Variants in MRPS35 observed in about 807,000 individuals in gnomAD.
MRPS35 encodes mitochondrial ribosomal protein S35, also known as small ribosomal subunit protein mS35.
MRPS35 carries 29 observed loss-of-function variants against 32.7 expected under a neutral mutation model. That is an observed-to-expected ratio of 0.89 (90% CI 0.66 to 1.21). The LOEUF is 1.21. Among genes scored for constraint, MRPS35 ranks in the 50% most tolerant of loss-of-function variants. The pLI is 0.00. For synonymous variants in MRPS35, 148 were observed against 139.3 expected, an observed-to-expected ratio of 1.06 and a Z score of -0.44; for missense variants, 373 against 383.8, an observed-to-expected ratio of 0.97 and a Z score of 0.23.
At chr12:27,743,659 G>T (rs1047693790) in intron 7 of MRPS35, among the ~76,000 whole-genome samples, 1 of 152,244 alleles carries the variant, frequency 6.6e-6, no homozygotes, top group Non-Finnish European at 1.5e-5. Flanking sequence ...TGGGAGCAAG[G>T]AGGTGTAATA....
intron 1 of MRPS35, among the ~76,000 whole-genome samples, chr12:27,713,916 G>A (rs1301098672): frequency 6.6e-6 from 1 of 151,512 alleles, no homozygotes; most frequent in Non-Finnish European, 1.5e-5. Flanking sequence ...GCGAAACACC[G>A]TCTCTACAAG....
intron 7 of MRPS35, among the ~76,000 whole-genome samples, chr12:27,743,664 G>A (rs1325462363): frequency 6.6e-6 from 1 of 152,242 alleles, no homozygotes; most frequent in Non-Finnish European, 1.5e-5. Flanking sequence ...GCAAGGAGGT[G>A]TAATAATAAA....
intron 7 of MRPS35, among the ~76,000 whole-genome samples, chr12:27,748,985 C>G (rs1012285619): frequency 6.6e-6 from 1 of 152,070 alleles, no homozygotes; most frequent in African/African-American, 2.4e-5. Flanking sequence ...GAGACTCCAC[C>G]TCTTTGAAAA....
chr12:27,734,888 C>G (rs924070090), intron 5 of MRPS35, among the ~76,000 whole-genome samples: 4 of 152,176 alleles, frequency 2.6e-5, no homozygotes, highest in African/African-American at 7.2e-5. Context: ...GTAGTGTTAA[C>G]ATTTTGAGAA....
chr12:27,716,252 GTT>G, intron 2 of MRPS35, 37 bp from the exon 3 acceptor site: 1 of 1,460,266 alleles, frequency 6.8e-7, no homozygotes, highest in Non-Finnish European at 9.1e-7. Flanking sequence ...TAAAGAATGT[GTT>G]TATATTTAAA....
Position 27,744,321 on chromosome 12 carries a change from C to T in MRPS35, c.702+6713C>T, listed in dbSNP as rs80003365. ...TCATAGCAGCTATTGAGGCTGGGCGCGGTGGCTCACACCTGTAATCCCAGC... is the reference window on the plus strand; with the variant it reads ...TCATAGCAGCTATTGAGGCTGGGCGTGGTGGCTCACACCTGTAATCCCAGC... On this transcript the variant is annotated intron_variant, in intron 7 of 7. Transcript: ENST00000081029. Among the ~76,000 whole-genome samples the T allele has an allele frequency of 6.0e-4, 91 of 152,066 alleles. No homozygotes were observed. In the East Asian group the frequency reaches 0.011, roughly 19 times the overall value.
rs760632760 is a variant in MRPS35 at position 27,710,913 on chromosome 12, A to C, written c.70A>C (p.Thr24Pro). ...SRARTLRAFS[T>P]AVYSATPVPT... ...GGCAAGGACTCTGCGTGCATTCTCC[A>C]CTGCCGTCTACTCGGCCACTCCGGT... The change falls in exon 1 of 8, where the codon ACT becomes CCT. Residue 24 changes from threonine (T) to proline (P), a missense_variant. Physicochemically the swap from Thr to Pro is conservative, Grantham distance 38 (BLOSUM62 -1). Transcript: ENST00000081029. 6.2e-7 allele frequency: 1 copy of C among 1,613,032 alleles called. No homozygotes were observed. Among genetic ancestry groups the C allele is most frequent in the African/African-American group, 1.3e-5 (1 of 74,892 alleles).
At chr12:27,719,528 T>C (rs1052559987) in intron 3 of MRPS35, among the ~76,000 whole-genome samples, 29 of 151,516 alleles carry the variant, frequency 1.9e-4, no homozygotes, top group Admixed American at 1.8e-3. Context: ...TAGCCGGGCG[T>C]GGTGGCGGGC....
chr12:27,726,518 A>G (rs2061901196), intron 5 of MRPS35, among the ~76,000 whole-genome samples: 1 of 152,128 alleles, frequency 6.6e-6, no homozygotes, highest in African/African-American at 2.4e-5. Context: ...CAGTGGAATG[A>G]CTGAGTTGCA....
chr12:27,717,444 T>C (rs1372615145), intron 3 of MRPS35, among the ~76,000 whole-genome samples: 1 of 152,192 alleles, frequency 6.6e-6, no homozygotes, highest in Non-Finnish European at 1.5e-5. Context: ...TTAAAGAAAA[T>C]ATAAATGCTT....
intron 7 of MRPS35, among the ~76,000 whole-genome samples, chr12:27,742,503 C>G (rs1434853555): frequency 1.3e-5 from 2 of 152,196 alleles, no homozygotes; most frequent in Non-Finnish European, 2.9e-5. Context: ...TTAACTCCCC[C>G]TGAAAACGTC....
At chr12:27,740,748 C>T (rs1046260720) in intron 7 of MRPS35, among the ~76,000 whole-genome samples, 3 of 152,140 alleles carry the variant, frequency 2.0e-5, no homozygotes, top group Admixed American at 6.5e-5. Flanking sequence ...ATAGAAGTGT[C>T]AAAGTAGATT....
intron 3 of MRPS35, among the ~76,000 whole-genome samples, chr12:27,718,614 C>G (rs1410075027): frequency 1.3e-5 from 2 of 152,170 alleles, no homozygotes; most frequent in African/African-American, 4.8e-5. Context: ...CATTTTCATT[C>G]ACACTATGAA....
intron 6 of MRPS35, among the ~76,000 whole-genome samples, chr12:27,737,234 T>C (rs905861361): frequency 6.6e-6 from 1 of 152,212 alleles, no homozygotes; most frequent in African/African-American, 2.4e-5. Flanking sequence ...AGCACTGAGA[T>C]GGTGAAGGGA....
chr12:27,733,518 A>G (rs1450403559), intron 5 of MRPS35, among the ~76,000 whole-genome samples: 1 of 152,226 alleles, frequency 6.6e-6, no homozygotes, highest in African/African-American at 2.4e-5. Context: ...AGGTTTAAAA[A>G]AGGCAAAATC....
chr12:27,729,819 CT>C (rs1470357588), intron 5 of MRPS35, among the ~76,000 whole-genome samples: 2 of 152,166 alleles, frequency 1.3e-5, no homozygotes, highest in African/African-American at 4.8e-5. Context: ...TGTTACTCAC[CT>C]GGACCACGCC....
rs75614884 is a variant in MRPS35 at position 27,717,988 on chromosome 12, A to G, written c.321+1530A>G. On this transcript the variant is annotated intron_variant, in intron 3 of 7. Coordinates refer to ENST00000081029, the MANE Select transcript of MRPS35 (RefSeq NM_021821.4). ...CATGTTTCAAAAATAAAAGTCTATCACTCTGATCTGTTAAAAGTAGCCCCT... is the reference window on the plus strand; with the variant it reads ...CATGTTTCAAAAATAAAAGTCTATCGCTCTGATCTGTTAAAAGTAGCCCCT... 2.3e-3 allele frequency among the ~76,000 whole-genome samples: 353 copies of G among 152,276 alleles called. 1 individual carries two copies. Among genetic ancestry groups the G allele is most frequent in the African/African-American group, 7.7e-3 (320 of 41,558 alleles).
chr12:27,722,991 A>G (rs2061883100), intron 4 of MRPS35, among the ~76,000 whole-genome samples: 1 of 152,204 alleles, frequency 6.6e-6, no homozygotes. Flanking sequence ...GAGCTCCCAC[A>G]TCTGCCTGTG....
At chr12:27,714,949 A>AGGGC in intron 2 of MRPS35, 129 bp downstream of exon 2, 1 of 741,188 alleles carries the variant, frequency 1.3e-6, no homozygotes, top group Non-Finnish European at 2.2e-6. Context: ...GGTGATTGCC[A>AGGGC]TAGCCCTGGC....
Sources: allele counts gnomAD v4.1 joint callset (sites outside exome capture counted in the v4.1 genomes callset), GRCh38; gene constraint gnomAD v4.1.1; transcripts MANE v1.5; gene names NCBI Gene and HGNC (gene_info 2026-07-23, HGNC 2026-07-21).